Variants in SHC2 observed in about 807,000 individuals in gnomAD.
SHC2 encodes the protein SHC adaptor protein 2, also known as SHC-transforming protein 2.
In SHC2, 62 loss-of-function variants were observed where a neutral mutation model predicts 60.6. The observed-to-expected ratio is 1.02, with a 90% CI of 0.83 to 1.26. SHC2 has a LOEUF of 1.26. Among genes scored for constraint, SHC2 ranks in the 50% most tolerant of loss-of-function variants. The pLI, the probability that SHC2 is intolerant of heterozygous loss-of-function variation, is 0.00. For missense variants in SHC2, 873 were observed against 822.2 expected, an observed-to-expected ratio of 1.06 and a Z score of -0.76; for synonymous variants, 375 against 372.4, an observed-to-expected ratio of 1.01 and a Z score of -0.08.
chr19:458,588 G>C lies in SHC2; in HGVS notation c.468+1941C>G, dbSNP rs868815848. ...TCCTGGGGAGGCGGAAGCGGGTTCC[G>C]GGGGACGGGGAAGTGGGTTCCAGGG... On this transcript the variant is annotated intron_variant, in intron 1 of 12. Transcript: ENST00000264554. Among the ~76,000 whole-genome samples the C allele has an allele frequency of 4.5e-4, 59 of 129,932 alleles. 1 individual carries two copies. Among genetic ancestry groups the C allele is most frequent in the Admixed American group, 3.6e-3 (48 of 13,228 alleles). 85.2% of individuals were successfully genotyped at this position (129,932 alleles called of 152,430 possible).
rs775717556 is a variant in SHC2 at position 439,056 on chromosome 19, A to G, written c.540-26T>C. On this transcript the variant is annotated intron_variant, in intron 2 of 12. Transcript: ENST00000264554. ...CTGGGGTTGGGAGGAGGGGGCTTAG[A>G]GAGTGTGGTGGGGGTGGCCATGGAG... 12 of 1,378,098 alleles carry G rather than the reference A, an allele frequency of 8.7e-6. No individual in the cohort carries two copies. In the African/African-American group the frequency reaches 9.2e-5, roughly 11 times the overall value. 85.4% of individuals were successfully genotyped at this position (1,378,098 alleles called of 1,614,324 possible). A position where few individuals can be genotyped will look rare whatever the true frequency, so the allele number is the denominator to read the frequency against.
Position 430,681 on chromosome 19 carries a change from T to A in SHC2, c.1174+3A>T. ...TACCCCTTGCAGCCCCAGCCCATCC[T>A]ACCTGTACCGGTGGACCCCACGTCC... is the stretch of plus-strand genomic sequence containing the variant. On this transcript the variant is annotated splice_donor_region_variant and intron_variant, in intron 9 of 12. Transcript: ENST00000264554. 1 of 1,612,698 alleles carries A rather than the reference T, an allele frequency of 6.2e-7. No homozygotes were observed. The highest frequency in any genetic ancestry group is 8.5e-7 in the Non-Finnish European group (1 of 1,179,666).
At chr19:426,901 G>A (rs1057334701) in intron 9 of SHC2, among the ~76,000 whole-genome samples, 1 of 151,946 alleles carries the variant, frequency 6.6e-6, no homozygotes, top group African/African-American at 2.4e-5. Context: ...CAGGCGGGTG[G>A]AGGAATCCCT....
chr19:450,617 C>T (rs530103781), intron 1 of SHC2, among the ~76,000 whole-genome samples: 3 of 152,346 alleles, frequency 2.0e-5, no homozygotes, highest in Non-Finnish European at 2.9e-5. Flanking sequence ...AGTCTCTCAC[C>T]GAGTGAGACA....
In SHC2 at chr19:439,006, C is replaced by T. The variant is rs372673523; in HGVS notation, c.564G>A (p.Glu188=). Residue 188 remains glutamate (E), a synonymous_variant, in exon 3 of 13, where the codon GAG becomes GAA. Coordinates refer to ENST00000264554, the MANE Select transcript of SHC2 (RefSeq NM_012435.3). The part of the protein sequence containing the change: ...VTREAINRLH[E]AVPGVRGSWK... ...AGGATCCCCGGACGCCAGGCACGGC[C>T]TCATGGAGCCGGTTGATGGCTTCCC... is the stretch of plus-strand genomic sequence containing the variant. 36 of 1,597,908 alleles carry T rather than the reference C, an allele frequency of 2.3e-5. No individual in the cohort carries two copies. Among genetic ancestry groups the T allele is most frequent in the East Asian group, 1.8e-4 (8 of 44,206 alleles).
At chr19:428,756 T>C (rs1012305607) in intron 9 of SHC2, among the ~76,000 whole-genome samples, 1 of 152,020 alleles carries the variant, frequency 6.6e-6, no homozygotes, top group African/African-American at 2.4e-5. Flanking sequence ...GCAGTACCTA[T>C]ATCCAACATG....
intron 1 of SHC2, among the ~76,000 whole-genome samples, chr19:459,095 T>A (rs1975469411): frequency 6.6e-6 from 1 of 151,888 alleles, no homozygotes; most frequent in African/African-American, 2.4e-5. Context: ...TTGACTAGGT[T>A]ACATCTGCAA....
Position 437,562 on chromosome 19 carries a change from G to A in SHC2, c.721-879C>T, listed in dbSNP as rs11881320. ...CCCTTGCCAACCCCGGCCCAGCCAG[G>A]AGGGTCTGCTTGGAGCCTCAGTATC... On this transcript the variant is annotated intron_variant, in intron 4 of 12. Transcript: ENST00000264554. Among the ~76,000 whole-genome samples, 179 of 152,206 alleles carry A rather than the reference G, an allele frequency of 1.2e-3. 2 individuals are homozygous for A. The highest frequency in any genetic ancestry group is 4.2e-3 in the African/African-American group (173 of 41,510).
rs142929879 is a variant in SHC2, at chr19:436,770, G to C, written c.721-87C>G. The C allele has an allele frequency of 9.9e-4, 1,267 of 1,278,604 alleles. 13 individuals are homozygous for C. In the African/African-American group the frequency reaches 0.017, roughly 17 times the overall value. The allele number at this position is 1,278,604 out of a possible 1,614,324, so 79.2% of individuals were successfully genotyped here. ...AGATGGACCAGGACCACAGCGAAGA[G>C]TGGGGCAGGGGCAGGGATGTGGGGA... On this transcript the variant is annotated intron_variant, in intron 4 of 12. Coordinates refer to ENST00000264554, the MANE Select transcript of SHC2 (RefSeq NM_012435.3).
chr19:425,151 C>G lies in SHC2; in HGVS notation c.1255G>C (p.Gly419Arg), dbSNP rs774094974. ...TCCTCCGGCTCGGGGGCGTCCAGAC[C>G]CTGGGTGTTGACATACAGGTGCTCC... ...HEEHLYVNTQ[G>R]LDAPEPEDSP... Residue 419 changes from glycine (G) to arginine (R), a missense_variant, in exon 10 of 13, where the codon GGT becomes CGT. Physicochemically the swap from Gly to Arg is moderately radical, Grantham distance 125. Coordinates refer to ENST00000264554, the MANE Select transcript of SHC2 (RefSeq NM_012435.3). The surrounding 1 kb of genome is among the most constrained non-coding windows in gnomAD (Gnocchi z 4.1). The G allele has an allele frequency of 6.9e-5, 96 of 1,384,274 alleles. No homozygotes were observed. The highest frequency in any genetic ancestry group is 8.6e-5 in the Non-Finnish European group (91 of 1,060,990). 85.7% of individuals were successfully genotyped at this position (1,384,274 alleles called of 1,614,324 possible).
rs372693785 is a variant in SHC2 at position 457,155 on chromosome 19, C to T, written c.468+3374G>A. Among the ~76,000 whole-genome samples, 568 of 120,142 alleles carry T rather than the reference C, an allele frequency of 4.7e-3. 27 individuals are homozygous for T. Among genetic ancestry groups the T allele is most frequent in the Non-Finnish European group, 6.2e-3 (354 of 57,180 alleles). The allele number at this position is 120,142 out of a possible 152,430, so 78.8% of individuals were successfully genotyped here. On this transcript the variant is annotated intron_variant, in intron 1 of 12. Transcript: ENST00000264554. ...AGAACTCTGTCTGCAAACCCCACCACATCAGGCCTTTGCACCAGCACCTGC... is the reference window on the plus strand; with the variant it reads ...AGAACTCTGTCTGCAAACCCCACCATATCAGGCCTTTGCACCAGCACCTGC...
rs575172798 is a variant in SHC2, at chr19:417,098, C to G, written c.*230G>C. 2.1e-4 allele frequency: 32 copies of G among 152,902 alleles called. No individual in the cohort carries two copies. The highest frequency in any genetic ancestry group is 7.0e-4 in the African/African-American group (29 of 41,598). 9.5% of individuals were successfully genotyped at this position (152,902 alleles called of 1,614,324 possible). ...GTTCCGTCTTTGGTATGAACACCCT[C>G]ACTCCAGGCAAAGGAGGGGGTGGGC... On this transcript the variant is annotated 3_prime_UTR_variant, in exon 13 of 13. Coordinates refer to ENST00000264554, the MANE Select transcript of SHC2 (RefSeq NM_012435.3).
rs1322288051 is a variant in SHC2, at chr19:460,568, G to T, written c.429C>A (p.Asp143Glu). 1.4e-6 allele frequency: 2 copies of T among 1,417,164 alleles called. No individual in the cohort carries two copies. The highest frequency in any genetic ancestry group is 1.9e-6 in the Non-Finnish European group (2 of 1,079,916). The allele number at this position is 1,417,164 out of a possible 1,614,324, so 87.8% of individuals were successfully genotyped here. The change falls in exon 1 of 13, where the codon GAC becomes GAA. Residue 143 changes from aspartate (D) to glutamate (E), a missense_variant. By Grantham distance (45) the Asp-to-Glu change is conservative. Transcript: ENST00000264554. The stretch of plus-strand genomic sequence containing the variant: ...AGACCCCGGGCCCCAGGACCCTGGC[G>T]TCGGGGTGTAGCCAGCCGTGCGCGG... Reference protein sequence around the residue: ...HKPAHGWLHPDARVLGPGVSY... With the variant: ...HKPAHGWLHPEARVLGPGVSY...
At chr19:455,129 G>A (rs982842356) in intron 1 of SHC2, among the ~76,000 whole-genome samples, 24 of 152,214 alleles carry the variant, frequency 1.6e-4, no homozygotes, top group African/African-American at 5.1e-4. Context: ...CATGAATTTC[G>A]GTGAAATAAC....
rs1416658583 is a variant in SHC2, at chr19:428,336, C to G, written c.1174+2348G>C. On this transcript the variant is annotated intron_variant, in intron 9 of 12. Coordinates refer to ENST00000264554, the MANE Select transcript of SHC2 (RefSeq NM_012435.3). ...CTCCCTGGGACGCGTTTGTTGAGTC[C>G]TGGCACACAGGCGGACCGTTTAAGG... Among the ~76,000 whole-genome samples, 5 of 152,210 alleles carry G rather than the reference C, an allele frequency of 3.3e-5. No individual in the cohort carries two copies. In the East Asian group the frequency reaches 9.6e-4, roughly 29 times the overall value.
In SHC2 at chr19:422,606, A is replaced by C. The variant is rs1398412460; in HGVS notation, c.1310-150T>G. On this transcript the variant is annotated intron_variant, in intron 10 of 12. Transcript: ENST00000264554. The surrounding 1 kb of genome is among the most constrained non-coding windows in gnomAD (Gnocchi z 5.0). ...AGCGCCCACAGCGTATCAGACTCGCACTCTGCCCAGCCCCGTGCGTGCGGT... is the reference window on the plus strand; with the variant it reads ...AGCGCCCACAGCGTATCAGACTCGCCCTCTGCCCAGCCCCGTGCGTGCGGT... The C allele has an allele frequency of 3.0e-6, 2 of 660,278 alleles. No homozygotes were observed. Among genetic ancestry groups the C allele is most frequent in the East Asian group, 5.5e-5 (2 of 36,180 alleles). The allele number at this position is 660,278 out of a possible 1,614,324, so 40.9% of individuals were successfully genotyped here. A position where few individuals can be genotyped will look rare whatever the true frequency, so the allele number is the denominator to read the frequency against.
chr19:456,306 G>T (rs987306594), intron 1 of SHC2, among the ~76,000 whole-genome samples: 2 of 149,868 alleles, frequency 1.3e-5, no homozygotes, highest in African/African-American at 4.9e-5. Flanking sequence ...GGCTCCTGGG[G>T]GACAGCGCTG....
chr19:460,555 C>T lies in SHC2; in HGVS notation c.442G>A (p.Gly148Arg). 2 of 1,416,462 alleles carry T rather than the reference C, an allele frequency of 1.4e-6. No individual in the cohort carries two copies. The allele number at this position is 1,416,462 out of a possible 1,614,324, so 87.7% of individuals were successfully genotyped here. A position where few individuals can be genotyped will look rare whatever the true frequency, so the allele number is the denominator to read the frequency against. Residue 148 changes from glycine (G) to arginine (R), a missense_variant, in exon 1 of 13, where the codon GGG becomes AGG. By Grantham distance (125) the Gly-to-Arg change is moderately radical. Transcript: ENST00000264554. ...GWLHPDARVL[G>R]PGVSYVVRYM... ...CGCACGACGTAGGAGACCCCGGGCC[C>T]CAGGACCCTGGCGTCGGGGTGTAGC...
intron 11 of SHC2, among the ~76,000 whole-genome samples, chr19:421,170 G>A (rs925927930): frequency 4.6e-5 from 7 of 152,028 alleles, no homozygotes; most frequent in Admixed American, 3.3e-4. Flanking sequence ...AGGCCGAGGC[G>A]GGTGGATCAC....
Sources: gnomAD v4.1 joint callset for allele counts (sites outside exome capture counted in the v4.1 genomes callset) on GRCh38, gnomAD v4.1.1 for gene constraint, Gnocchi (gnomAD v3.1) non-coding constraint, MANE v1.5 for transcripts, NCBI Gene and HGNC (gene_info 2026-07-23, HGNC 2026-07-21) for gene names.